The following DENND5A variants were observed in gnomAD, a reference collection of about 807,000 sequenced individuals.
DENND5A encodes the protein DENN domain-containing protein 5A.
Under a neutral mutation model 140.3 loss-of-function variants are expected in DENND5A, and 64 were observed. That is an observed-to-expected ratio of 0.46 (90% CI 0.37 to 0.56). DENND5A has a LOEUF of 0.56. DENND5A is among the 20% of genes least tolerant of loss of function. The pLI, the probability that DENND5A is intolerant of heterozygous loss-of-function variation, is 0.00. For synonymous variants in DENND5A, 605 were observed against 607.7 expected (o/e 1.00, Z 0.07); for missense variants, 1,292 against 1,593.8 (o/e 0.81, Z 3.22).
chr11:9,217,443 G>A (rs991057072), intron 1 of DENND5A, among the ~76,000 whole-genome samples: 1 of 150,668 alleles, frequency 6.6e-6, no homozygotes, highest in Non-Finnish European at 1.5e-5. Context: ...GAACCCAGGA[G>A]GCAGAGGGTG....
intron 21 of DENND5A, 127 bp from the exon 22 acceptor site, chr11:9,142,235 C>A: frequency 1.5e-6 from 1 of 651,998 alleles, no homozygotes; most frequent in African/African-American, 1.9e-5. Context: ...CACAAGTGTT[C>A]TGATGTCACT....
At chr11:9,182,630 A>G (rs902435584) in intron 5 of DENND5A, among the ~76,000 whole-genome samples, 1 of 152,240 alleles carries the variant, frequency 6.6e-6, no homozygotes, top group African/African-American at 2.4e-5. Context: ...AGCCTGGAGC[A>G]TATTATGTTA....
intron 1 of DENND5A, among the ~76,000 whole-genome samples, chr11:9,217,300 G>GA (rs1227917888): frequency 1.3e-5 from 2 of 152,028 alleles, no homozygotes; most frequent in Admixed American, 1.3e-4. Context: ...GATCACCTGA[G>GA]GTCAGGAGTT....
intron 12 of DENND5A, among the ~76,000 whole-genome samples, chr11:9,156,166 G>C (rs1847794457): frequency 1.3e-5 from 2 of 152,072 alleles, no homozygotes; most frequent in Non-Finnish European, 2.9e-5. Context: ...ATGGTGTTAG[G>C]AACCCAACAT....
intron 12 of DENND5A, among the ~76,000 whole-genome samples, chr11:9,155,390 A>AT (rs1248009380): frequency 6.6e-6 from 1 of 152,202 alleles, no homozygotes; most frequent in Non-Finnish European, 1.5e-5. Flanking sequence ...CTGACATGCA[A>AT]TAACACTAAA....
At chr11:9,184,686 C>T (rs1381784984) in intron 5 of DENND5A, among the ~76,000 whole-genome samples, 2 of 152,170 alleles carry the variant, frequency 1.3e-5, no homozygotes, top group African/African-American at 4.8e-5. Context: ...GATTTCACTT[C>T]CCTGATTAAG....
intron 4 of DENND5A, among the ~76,000 whole-genome samples, chr11:9,199,918 A>G (rs1039975102): frequency 8.5e-5 from 13 of 152,248 alleles, no homozygotes; most frequent in African/African-American, 2.4e-4. Context: ...ATGAAAAGTA[A>G]TCCACTCCAC....
intron 1 of DENND5A, among the ~76,000 whole-genome samples, chr11:9,260,267 A>C (rs1285198624): frequency 1.3e-5 from 2 of 152,064 alleles, no homozygotes; most frequent in Admixed American, 1.3e-4. Context: ...TACAGATTCC[A>C]AGGTAAGAAA....
intron 1 of DENND5A, among the ~76,000 whole-genome samples, chr11:9,209,654 G>A (rs569410698): frequency 3.3e-5 from 5 of 152,186 alleles, no homozygotes; most frequent in African/African-American, 4.8e-5. Flanking sequence ...GAAAGGAGAT[G>A]TATAAAGAAG....
intron 4 of DENND5A, among the ~76,000 whole-genome samples, chr11:9,202,625 G>A (rs1443212894): frequency 6.6e-6 from 1 of 152,090 alleles, no homozygotes; most frequent in Admixed American, 6.6e-5. Context: ...AAGAGTAAAA[G>A]CCAAAGTCCT....
chr11:9,232,910 T>G (rs1474493078), intron 1 of DENND5A, among the ~76,000 whole-genome samples: 2 of 152,150 alleles, frequency 1.3e-5, no homozygotes, highest in Non-Finnish European at 2.9e-5. Context: ...AACCTAAAAC[T>G]ATACACAATA....
At chr11:9,234,999 A>C (rs954045706) in intron 1 of DENND5A, among the ~76,000 whole-genome samples, 2 of 152,118 alleles carry the variant, frequency 1.3e-5, no homozygotes, top group African/African-American at 4.8e-5. Flanking sequence ...GGTCTCCCTG[A>C]CCCAGCTGGC....
At chr11:9,193,803 T>C (rs1219231022) in intron 4 of DENND5A, 122 bp from the exon 5 acceptor site, 1 of 861,422 alleles carries the variant, frequency 1.2e-6, no homozygotes, top group Non-Finnish European at 1.8e-6. Flanking sequence ...CACGATAAAC[T>C]TCAGCTAGGG....
At chr11:9,231,715 C>CTCAAAAAAAA (rs1850779827) in intron 1 of DENND5A, among the ~76,000 whole-genome samples, 1 of 78,956 alleles carries the variant, frequency 1.3e-5, no homozygotes, top group Non-Finnish European at 2.4e-5. Flanking sequence ...AACTCCGTCT[C>CTCAAAAAAAA]AAAAAAAAAA....
At chr11:9,221,019 T>G (rs1026207868) in intron 1 of DENND5A, among the ~76,000 whole-genome samples, 6 of 149,564 alleles carry the variant, frequency 4.0e-5, no homozygotes, top group African/African-American at 1.5e-4. Context: ...GAGGCAGAGG[T>G]TGCCGTGAGC....
chr11:9,214,876 A>T (rs567250415), intron 1 of DENND5A, among the ~76,000 whole-genome samples: 11 of 152,146 alleles, frequency 7.2e-5, no homozygotes, highest in Non-Finnish European at 1.2e-4. Flanking sequence ...GGCGCCTGCC[A>T]TCACCCTCAG....
rs934683732 is a variant in DENND5A at position 9,139,908 on chromosome 11, G to C, written c.3681-54C>G. 15 of 1,561,562 alleles carry C rather than the reference G, an allele frequency of 9.6e-6. No homozygotes were observed. In the Admixed American group the frequency reaches 2.6e-4, roughly 27 times the overall value. ...TCAGAGGGGCAAAGGAAAAGGAAGA[G>C]AGAGCGTTAGTGCAAGGCCAAGGGG... On this transcript the variant is annotated intron_variant, in intron 22 of 22. Transcript: ENST00000328194.
intron 1 of DENND5A, among the ~76,000 whole-genome samples, chr11:9,218,601 G>A (rs958264137): frequency 6.6e-6 from 1 of 152,118 alleles, no homozygotes; most frequent in Non-Finnish European, 1.5e-5. Flanking sequence ...GAGTGTGCCT[G>A]TAGTAGGCTG....
chr11:9,259,632 AC>A (rs1186006502), intron 1 of DENND5A, among the ~76,000 whole-genome samples: 2 of 151,984 alleles, frequency 1.3e-5, no homozygotes, highest in East Asian at 3.9e-4. Context: ...GTGATCTCAA[AC>A]TCCTGGACCC....
Sources: gnomAD v4.1 joint callset for allele counts (sites outside exome capture counted in the v4.1 genomes callset) on GRCh38, gnomAD v4.1.1 for gene constraint, MANE v1.5 for transcripts, NCBI Gene and HGNC (gene_info 2026-07-23, HGNC 2026-07-21) for gene names.